The following UPF2 variants were observed in gnomAD, a reference collection of about 807,000 sequenced individuals.
UPF2 encodes regulator of nonsense transcripts 2.
A neutral mutation model predicts 141.4 loss-of-function variants in UPF2; 17 were observed. The ratio of observed to expected loss-of-function variants is 0.12; its 90% CI spans 0.08 to 0.18. The LOEUF is 0.18. Ranked by LOEUF, UPF2 falls within the 10% of genes least tolerant of loss-of-function variation. The probability of loss-of-function intolerance (pLI) is 1.00; values close to 1 mark genes in which losing one functional copy is unlikely to be tolerated. For synonymous variants in UPF2, 540 were observed against 498.0 expected (o/e 1.08, Z -1.12); for missense variants, 1,152 against 1,515.9 (o/e 0.76, Z 3.99).
chr10:11,997,557 G>A (rs1399030899), intron 8 of UPF2, 115 bp downstream of exon 8: 2 of 829,222 alleles, frequency 2.4e-6, no homozygotes, highest in Non-Finnish European at 3.7e-6. Context: ...TAATGCTAAT[G>A]ACCTACAGAG....
At chr10:12,036,194 T>C (rs1219705870) in intron 1 of UPF2, among the ~76,000 whole-genome samples, 1 of 152,204 alleles carries the variant, frequency 6.6e-6, no homozygotes. Flanking sequence ...TTGGGCAAAA[T>C]ACTCCTTTGG....
chr10:12,032,158 G>A (rs745495151), intron 2 of UPF2, among the ~76,000 whole-genome samples: 1 of 152,098 alleles, frequency 6.6e-6, no homozygotes, highest in South Asian at 2.1e-4. Flanking sequence ...GCCGGGCATG[G>A]TGGCACATGC....
chr10:11,921,053 G>T lies in UPF2; in HGVS notation c.*245C>A, dbSNP rs1385219036. ...TTCTTGACTGCCATTCTCAAGAGAA[G>T]ATTAACCCTCGCGAGATTTCCATTA... On this transcript the variant is annotated 3_prime_UTR_variant, in exon 22 of 22. Coordinates refer to ENST00000357604, the MANE Select transcript of UPF2 (RefSeq NM_015542.4). This position sits in a 1 kb window ranked among gnomAD's most constrained non-coding sequence, Gnocchi z 5.9. 1.4e-6 allele frequency: 1 copy of T among 733,974 alleles called. No homozygotes were observed. Among genetic ancestry groups the T allele is most frequent in the South Asian group, 1.4e-5 (1 of 73,338 alleles). The allele number at this position is 733,974 out of a possible 1,614,324, so 45.5% of individuals were successfully genotyped here.
At chr10:12,004,076 A>C (rs959867351) in intron 5 of UPF2, among the ~76,000 whole-genome samples, 1 of 152,206 alleles carries the variant, frequency 6.6e-6, no homozygotes, top group African/African-American at 2.4e-5. Flanking sequence ...AACACAATGT[A>C]ACCGGCATTC....
At chr10:12,007,610 A>G (rs941485835) in intron 4 of UPF2, among the ~76,000 whole-genome samples, 1 of 152,028 alleles carries the variant, frequency 6.6e-6, no homozygotes, top group Admixed American at 6.6e-5. Context: ...GCAGGTGGAT[A>G]ACGAGGTCAG....
rs1430196721 is a variant in UPF2 at position 11,939,606 on chromosome 10, C to T, written c.3379-2894G>A. On this transcript the variant is annotated intron_variant, in intron 18 of 21. Coordinates refer to ENST00000357604, the MANE Select transcript of UPF2 (RefSeq NM_015542.4). This position sits in a 1 kb window ranked among gnomAD's most constrained non-coding sequence, Gnocchi z 4.8. ...CTCGGCTCACTGCAACCTCCACCTC[C>T]CAGGTTCAAGTGATTCTCCTGACTC... is the stretch of plus-strand genomic sequence containing the variant. 1.3e-5 allele frequency among the ~76,000 whole-genome samples: 2 copies of T among 152,042 alleles called. No homozygotes were observed. Among genetic ancestry groups the T allele is most frequent in the Non-Finnish European group, 1.5e-5 (1 of 67,994 alleles).
intron 21 of UPF2, chr10:11,928,673 C>A: frequency 6.1e-6 from 2 of 327,054 alleles, no homozygotes; most frequent in Non-Finnish European, 1.2e-5. Flanking sequence ...GGCGCCACTG[C>A]ATTCCAGCCT....
chr10:12,016,012 T>C lies in UPF2; in HGVS notation c.1146-1828A>G, dbSNP rs966454324. 6.6e-6 allele frequency among the ~76,000 whole-genome samples: 1 copy of C among 152,186 alleles called. No homozygotes were observed. The highest frequency in any genetic ancestry group is 2.4e-5 in the African/African-American group (1 of 41,454). On this transcript the variant is annotated intron_variant, in intron 3 of 21. Transcript: ENST00000357604. The surrounding 1 kb of genome is among the most constrained non-coding windows in gnomAD (Gnocchi z 4.1). ...GAGCATGTTTCCCCCTCTTCAAACA[T>C]GTGTTTCAGACTACTGTTACAAACA...
intron 8 of UPF2, among the ~76,000 whole-genome samples, chr10:11,997,300 AAATAT>A (rs1417862606): frequency 6.6e-6 from 1 of 152,170 alleles, no homozygotes. Context: ...TCTGAGAACT[AAATAT>A]ATTACATTAC....
intron 18 of UPF2, among the ~76,000 whole-genome samples, chr10:11,938,409 T>A (rs892273931): frequency 4.6e-5 from 7 of 152,190 alleles, no homozygotes; most frequent in Non-Finnish European, 8.8e-5. Flanking sequence ...TAGGGGTAAA[T>A]TTTTAGATCA....
chr10:11,991,683 A>G (rs927884195), intron 8 of UPF2, among the ~76,000 whole-genome samples: 6 of 152,222 alleles, frequency 3.9e-5, no homozygotes, highest in African/African-American at 7.2e-5. Flanking sequence ...CAAATGCCAA[A>G]TGACTATTGA....
chr10:12,005,538 T>A (rs1834021400), intron 4 of UPF2, among the ~76,000 whole-genome samples: 1 of 152,174 alleles, frequency 6.6e-6, no homozygotes, highest in African/African-American at 2.4e-5. Flanking sequence ...AAGGCTTAAT[T>A]TCCCCCTTGC....
Position 11,979,245 on chromosome 10 carries a change from G to A in UPF2, c.1845-80C>T. On this transcript the variant is annotated intron_variant, in intron 8 of 21. Coordinates refer to ENST00000357604, the MANE Select transcript of UPF2 (RefSeq NM_015542.4). The surrounding 1 kb of genome is among the most constrained non-coding windows in gnomAD (Gnocchi z 6.2). ...ATTTTAAAATTTAAACTTTTCAGAT[G>A]TATTCACACATTAAATGATCTTAAA... is the stretch of plus-strand genomic sequence containing the variant. The A allele has an allele frequency of 1.0e-6, 1 of 997,168 alleles. No individual in the cohort carries two copies. 61.8% of individuals were successfully genotyped at this position (997,168 alleles called of 1,614,324 possible). A position where few individuals can be genotyped will look rare whatever the true frequency, so the allele number is the denominator to read the frequency against.
chr10:12,007,834 G>GTAATAATAATAA (rs140872031), intron 4 of UPF2, among the ~76,000 whole-genome samples: 2,125 of 134,506 alleles, frequency 0.016, 28 homozygotes, highest in Admixed American at 0.033. Context: ...CCGTCTCAAA[G>GTAATAATAATAA]TAATAATAAT....
intron 4 of UPF2, among the ~76,000 whole-genome samples, chr10:12,013,052 G>C (rs1193444077): frequency 1.3e-5 from 2 of 150,870 alleles, no homozygotes; most frequent in Non-Finnish European, 2.9e-5. Context: ...TTGAGCCCAA[G>C]AGGCAGAGGC....
At chr10:12,020,992 C>T (rs1244987083) in intron 3 of UPF2, among the ~76,000 whole-genome samples, 1 of 152,156 alleles carries the variant, frequency 6.6e-6, no homozygotes, top group East Asian at 1.9e-4. Flanking sequence ...GTCCCTCTCT[C>T]GTTTGGATTT....
At chr10:11,957,959 C>T (rs978017294) in intron 12 of UPF2, among the ~76,000 whole-genome samples, 26 of 152,036 alleles carry the variant, frequency 1.7e-4, no homozygotes, top group African/African-American at 5.6e-4. Context: ...ATGTGTAAAA[C>T]GGGGGATAAC....
chr10:11,997,167 T>C (rs1160768641), intron 8 of UPF2, among the ~76,000 whole-genome samples: 1 of 152,208 alleles, frequency 6.6e-6, no homozygotes, highest in Non-Finnish European at 1.5e-5. Flanking sequence ...GTGTCTTGAA[T>C]TACTAGCAAC....
chr10:12,010,337 T>C (rs1287330377), intron 4 of UPF2, among the ~76,000 whole-genome samples: 1 of 152,184 alleles, frequency 6.6e-6, no homozygotes, highest in Non-Finnish European at 1.5e-5. Context: ...ACAAGATTTG[T>C]AGACAAGGAC....
Sources: allele counts gnomAD v4.1 joint callset (sites outside exome capture counted in the v4.1 genomes callset), GRCh38; gene constraint gnomAD v4.1.1; non-coding constraint Gnocchi (gnomAD v3.1); transcripts MANE v1.5; gene names NCBI Gene and HGNC (gene_info 2026-07-23, HGNC 2026-07-21).